PGM5: variants seen among roughly 807,000 people sequenced by gnomAD.
The protein encoded by PGM5 is phosphoglucomutase 5, also known as phosphoglucomutase-like protein 5.
A neutral mutation model predicts 59.2 loss-of-function variants in PGM5; 23 were observed. The observed-to-expected ratio is 0.39, with a 90% CI of 0.28 to 0.55. The LOEUF is 0.55. Among genes scored for constraint, PGM5 ranks in the 20% least tolerant of loss-of-function variants. The pLI, the probability that PGM5 is intolerant of heterozygous loss-of-function variation, is 0.66. For missense variants in PGM5, 574 were observed against 748.3 expected (o/e 0.77, Z 2.72); for synonymous variants, 214 against 286.0 (o/e 0.75, Z 2.54).
rs536199588 is a variant in PGM5, at chr9:68,502,958, A to G, written c.1614+3597A>G. ...CCCGCCTCGGCCTCCCAAAGTGCTG[A>G]GATTACAGGTGTGAACCACCACATC... On this transcript the variant is annotated intron_variant, in intron 10 of 10. Coordinates refer to ENST00000396396, the MANE Select transcript of PGM5 (RefSeq NM_021965.4). Among the ~76,000 whole-genome samples the G allele has an allele frequency of 6.6e-5, 10 of 152,212 alleles. No individual in the cohort carries two copies. In the South Asian group the frequency reaches 2.1e-3, roughly 32 times the overall value.
At chr9:68,364,523 A>C (rs1221721099) in intron 1 of PGM5, among the ~76,000 whole-genome samples, 2 of 152,170 alleles carry the variant, frequency 1.3e-5, no homozygotes, top group African/African-American at 4.8e-5. Context: ...TTCACTACAG[A>C]ATAGGTGAAT....
At chr9:68,466,885 A>G (rs1486596756) in intron 7 of PGM5, among the ~76,000 whole-genome samples, 2 of 152,206 alleles carry the variant, frequency 1.3e-5, no homozygotes, top group Non-Finnish European at 2.9e-5. Context: ...ACCTCTGACT[A>G]GTATTGGTGC....
intron 6 of PGM5, among the ~76,000 whole-genome samples, chr9:68,463,800 T>C (rs74558049): frequency 0.039 from 5,952 of 152,272 alleles, 240 homozygotes; most frequent in African/African-American, 0.11. Flanking sequence ...ATGCATTTAA[T>C]GCTGGCAATA....
At chr9:68,526,761 C>G (rs138565147) in intron 10 of PGM5, among the ~76,000 whole-genome samples, 150 of 152,274 alleles carry the variant, frequency 9.9e-4, no homozygotes, top group African/African-American at 3.5e-3. Context: ...TTTGTAGTAT[C>G]TCACCCACAT....
Position 68,356,928 on chromosome 9 carries a change from G to T in PGM5, c.-200G>T. 2.2e-6 allele frequency: 1 copy of T among 463,254 alleles called. No individual in the cohort carries two copies. Among genetic ancestry groups the T allele is most frequent in the Non-Finnish European group, 3.7e-6 (1 of 270,398 alleles). 28.7% of individuals were successfully genotyped at this position (463,254 alleles called of 1,614,324 possible). ...GGCAGAAGCAATCTCTGCCGAGAGA[G>T]TCAGCCGAGCGGCCGCGCGGAGAGG... On this transcript the variant is annotated 5_prime_UTR_variant, in exon 1 of 11. Coordinates refer to ENST00000396396, the MANE Select transcript of PGM5 (RefSeq NM_021965.4).
In PGM5 at chr9:68,465,075, T is replaced by A; in HGVS notation, c.1044-18T>A. 1 of 1,501,762 alleles carries A rather than the reference T, an allele frequency of 6.7e-7. No individual in the cohort carries two copies. The highest frequency in any genetic ancestry group is 1.2e-5 in the South Asian group (1 of 86,790). The allele number at this position is 1,501,762 out of a possible 1,614,324, so 93.0% of individuals were successfully genotyped here. Reference sequence around the variant, plus strand: ...AATGAAATATATGAATTGACTTTTCTCAAATTTCATTTTTCAGAGTGGCCA... The same window carrying A: ...AATGAAATATATGAATTGACTTTTCACAAATTTCATTTTTCAGAGTGGCCA... On this transcript the variant is annotated intron_variant, in intron 6 of 10. Transcript: ENST00000396396.
At chr9:68,484,940 A>T (rs1824270899) in intron 9 of PGM5, among the ~76,000 whole-genome samples, 2 of 152,126 alleles carry the variant, frequency 1.3e-5, no homozygotes, top group South Asian at 4.1e-4. Flanking sequence ...TTCAAGTCTC[A>T]TTTTGATGTA....
intron 7 of PGM5, among the ~76,000 whole-genome samples, chr9:68,478,137 C>T (rs1376632923): frequency 6.6e-6 from 1 of 152,222 alleles, no homozygotes; most frequent in African/African-American, 2.4e-5. Context: ...GCTTTATTCA[C>T]TTCAGAGAGA....
intron 6 of PGM5, among the ~76,000 whole-genome samples, chr9:68,422,500 C>G (rs1412087449): frequency 6.6e-6 from 1 of 151,740 alleles, no homozygotes; most frequent in Non-Finnish European, 1.5e-5. Flanking sequence ...CTATGTTGCC[C>G]AGGATGGTCT....
chr9:68,399,592 G>A (rs1260778073), intron 6 of PGM5, among the ~76,000 whole-genome samples: 1 of 149,942 alleles, frequency 6.7e-6, no homozygotes, highest in African/African-American at 2.4e-5. Flanking sequence ...TGAGAAATTT[G>A]GGAGTTTCCT....
chr9:68,512,897 A>C (rs1013511737), intron 10 of PGM5, among the ~76,000 whole-genome samples: 5 of 152,244 alleles, frequency 3.3e-5, no homozygotes, highest in Non-Finnish European at 7.3e-5. Context: ...CAATAAAACT[A>C]TAGGCACTGT....
rs141840922 is a variant in PGM5, at chr9:68,476,954, G to C, written c.1160-2464G>C. The stretch of plus-strand genomic sequence containing the variant: ...AAAGCCCATGTTTTAGAACAAAAGG[G>C]TATTTTTCTCTAGCCAGTAAATAAA... On this transcript the variant is annotated intron_variant, in intron 7 of 10. Transcript: ENST00000396396. Among the ~76,000 whole-genome samples the C allele has an allele frequency of 9.2e-5, 14 of 152,106 alleles. No individual in the cohort carries two copies. In the East Asian group the frequency reaches 2.7e-3, roughly 29 times the overall value.
chr9:68,465,058 A>C, intron 6 of PGM5, 35 bp from the exon 7 acceptor site: 1 of 1,327,590 alleles, frequency 7.5e-7, no homozygotes, highest in South Asian at 1.2e-5. Flanking sequence ...AAAATGAAAT[A>C]TATGAATTGA....
rs1452693031 is a variant in PGM5 at position 68,487,889 on chromosome 9, A to T, written c.1479+3841A>T. On this transcript the variant is annotated intron_variant, in intron 9 of 10. Transcript: ENST00000396396. ...TTTGGGTTTGAGCCTCAACTCTGCCACCTCCTTGCTGGGTTATCTTAGGCA... is the reference window on the plus strand; with the variant it reads ...TTTGGGTTTGAGCCTCAACTCTGCCTCCTCCTTGCTGGGTTATCTTAGGCA... Among the ~76,000 whole-genome samples, 3 of 151,964 alleles carry T rather than the reference A, an allele frequency of 2.0e-5. 1 individual carries two copies. Among genetic ancestry groups the T allele is most frequent in the African/African-American group, 7.3e-5 (3 of 41,330 alleles).
chr9:68,513,729 C>T (rs868975957), intron 10 of PGM5, among the ~76,000 whole-genome samples: 2 of 152,172 alleles, frequency 1.3e-5, no homozygotes, highest in Non-Finnish European at 2.9e-5. Flanking sequence ...TCTTTCTTTG[C>T]TTTTAATTAT....
chr9:68,510,805 T>C (rs1554689305), intron 10 of PGM5, among the ~76,000 whole-genome samples: 1 of 152,126 alleles, frequency 6.6e-6, no homozygotes, highest in African/African-American at 2.4e-5. Flanking sequence ...AAGCAACACA[T>C]GTAAAGTATA....
At chr9:68,486,041 A>G (rs1394662414) in intron 9 of PGM5, among the ~76,000 whole-genome samples, 1 of 152,224 alleles carries the variant, frequency 6.6e-6, no homozygotes, top group African/African-American at 2.4e-5. Flanking sequence ...ATTCAGCCCC[A>G]GGGATAGTTG....
chr9:68,422,059 A>G (rs926310623), intron 6 of PGM5, among the ~76,000 whole-genome samples: 2 of 152,000 alleles, frequency 1.3e-5, no homozygotes, highest in Admixed American at 6.5e-5. Flanking sequence ...GTATTGAATG[A>G]CAGCATCAGA....
intron 7 of PGM5, among the ~76,000 whole-genome samples, chr9:68,475,184 ATTTTTTTT>A (rs782687667): frequency 8.9e-6 from 1 of 112,766 alleles, no homozygotes; most frequent in African/African-American, 3.7e-5. Flanking sequence ...TGCCTGGCTA[ATTTTTTTT>A]TTTTTTTTTT....
Sources: allele counts gnomAD v4.1 joint callset (sites outside exome capture counted in the v4.1 genomes callset), GRCh38; gene constraint gnomAD v4.1.1; transcripts MANE v1.5; gene names NCBI Gene and HGNC (gene_info 2026-07-23, HGNC 2026-07-21).